PCED1A: variants seen among roughly 807,000 people sequenced by gnomAD.
The protein encoded by PCED1A is PC-esterase domain containing 1A.
A neutral mutation model predicts 41.9 loss-of-function variants in PCED1A; 20 were observed. That is an observed-to-expected ratio of 0.48 (90% CI 0.34 to 0.69). The LOEUF is 0.69. Ranked by LOEUF, PCED1A falls within the 30% of genes least tolerant of loss-of-function variation. The pLI is 0.01. For missense variants in PCED1A, 498 were observed against 602.1 expected, an observed-to-expected ratio of 0.83 and a Z score of 1.81; for synonymous variants, 236 against 241.3, an observed-to-expected ratio of 0.98 and a Z score of 0.20.
At position 2,838,411 on chromosome 20, in the gene PCED1A, GCC is replaced by G. The variant is rs767245551; in HGVS notation, c.660_661del (p.Ala221ArgfsTer6). On this transcript the variant is annotated frameshift_variant, in exon 6 of 8. Coordinates refer to ENST00000360652, the MANE Select transcript of PCED1A (RefSeq NM_022760.6). LOFTEE classifies it high-confidence loss of function. This position sits in a 1 kb window ranked among gnomAD's most constrained non-coding sequence, Gnocchi z 5.8. ...TAGGACATCAAAGCAGTGGTCCCCGGCCAGCGTAGCACTGTAGAAGTTCCCTT... is the reference window on the plus strand; with the variant it reads ...TAGGACATCAAAGCAGTGGTCCCCGGAGCGTAGCACTGTAGAAGTTCCCTT... The G allele has an allele frequency of 1.9e-6, 3 of 1,614,250 alleles. No homozygotes were observed. The South Asian group carries it at 3.3e-5, about 18-fold the overall frequency.
At chr20:2,836,506 T>C (rs909055985) in intron 6 of PCED1A, among the ~76,000 whole-genome samples, 192 bp from the exon 7 acceptor site, 1 of 152,166 alleles carries the variant, frequency 6.6e-6, no homozygotes, top group Non-Finnish European at 1.5e-5. Context: ...TCCTTCTCTC[T>C]TACCTCTCAG....
intron 2 of PCED1A, 84 bp downstream of exon 2, chr20:2,839,705 G>A (rs2088913516): frequency 1.3e-6 from 2 of 1,554,698 alleles, no homozygotes; most frequent in Non-Finnish European, 1.8e-6. Context: ...GACAAGAGAT[G>A]TGAGATGGAA....
upstream of PCED1A, chr20:2,840,909 T>C (rs952947429): frequency 8.5e-7 from 1 of 1,176,728 alleles, no homozygotes; most frequent in Non-Finnish European, 1.1e-6. Flanking sequence ...CGTTCGCCCC[T>C]GTCACTACTG....
chr20:2,839,084 T>TGGGGGGGGGGCCCCC lies in PCED1A; in HGVS notation c.205-3_205-2insGGGGGCCCCCCCCCC. The TGGGGGGGGGGCCCCC allele has an allele frequency of 1.4e-6, 1 of 725,286 alleles. No individual in the cohort carries two copies. The allele number at this position is 725,286 out of a possible 1,614,324, so 44.9% of individuals were successfully genotyped here. A position where few individuals can be genotyped will look rare whatever the true frequency, so the allele number is the denominator to read the frequency against. ...GTCCTGTTCAAAGCTCAGCTCCCCCTACCCACCCCCCCCACCCTACTGGTC... is the reference window on the plus strand; with the variant it reads ...GTCCTGTTCAAAGCTCAGCTCCCCCTGGGGGGGGGGCCCCCACCCACCCCCCCCACCCTACTGGTC... On this transcript the variant is annotated splice_region_variant and splice_polypyrimidine_tract_variant and intron_variant, in intron 3 of 7. Coordinates refer to ENST00000360652, the MANE Select transcript of PCED1A (RefSeq NM_022760.6).
rs200671054 is a variant in PCED1A at position 2,839,248 on chromosome 20, G to A, written c.148C>T (p.Leu50=). 1.9e-6 allele frequency: 3 copies of A among 1,613,990 alleles called. No homozygotes were observed. Among genetic ancestry groups the A allele is most frequent in the Non-Finnish European group, 2.5e-6 (3 of 1,180,022 alleles). ...DSIQRAVYKD[L]VLLLQKDSLL... Reference sequence around the variant, plus strand: ...GAGTCTTTCTGGAGCAAGAGCACCAGGTCCTTGTACACAGCCCTCTGAACT... The same window carrying A: ...GAGTCTTTCTGGAGCAAGAGCACCAAGTCCTTGTACACAGCCCTCTGAACT... The change falls in exon 3 of 8, where the codon CTG becomes TTG. Residue 50 remains leucine, a synonymous_variant. Coordinates refer to ENST00000360652, the MANE Select transcript of PCED1A (RefSeq NM_022760.6).
chr20:2,837,565 G>A (rs538585050), intron 6 of PCED1A, among the ~76,000 whole-genome samples: 1 of 152,290 alleles, frequency 6.6e-6, no homozygotes, highest in South Asian at 2.1e-4. Context: ...TGTTGACATG[G>A]AAACAGAGGT....
chr20:2,839,691 G>C, intron 2 of PCED1A, 98 bp downstream of exon 2: 1 of 1,527,432 alleles, frequency 6.5e-7, no homozygotes, highest in South Asian at 1.2e-5. Flanking sequence ...CAGACCAGAA[G>C]ACAGACAAGA....
Position 2,840,194 on chromosome 20 carries a change from C to T in PCED1A, c.-22+17G>A, listed in dbSNP as rs547885970. On this transcript the variant is annotated intron_variant, in intron 1 of 7. Transcript: ENST00000360652. Reference sequence around the variant, plus strand: ...GCCGCCGTCCCGCGCATGCGCGCACCCGCTCGCGCCAATTACCAAGTCCCG... The same window carrying T: ...GCCGCCGTCCCGCGCATGCGCGCACTCGCTCGCGCCAATTACCAAGTCCCG... 8.9e-4 allele frequency: 283 copies of T among 318,272 alleles called. No individual in the cohort carries two copies. The highest frequency in any genetic ancestry group is 5.4e-3 in the African/African-American group (248 of 45,566). The allele number at this position is 318,272 out of a possible 1,614,324, so 19.7% of individuals were successfully genotyped here.
At chr20:2,839,688 G>A in intron 2 of PCED1A, 101 bp downstream of exon 2, 2 of 1,524,188 alleles carry the variant, frequency 1.3e-6, no homozygotes, top group Non-Finnish European at 1.8e-6. Context: ...GAACAGACCA[G>A]AAGACAGACA....
At position 2,835,711 on chromosome 20, in the gene PCED1A, T is replaced by C. The variant is rs775564930; in HGVS notation, c.1118-2A>G. On this transcript the variant is annotated splice_acceptor_variant, in intron 7 of 7. Transcript: ENST00000360652. LOFTEE classifies it high-confidence loss of function. ...CAAAGTTCACTCCAGGGCCACATCC[T>C]ACAAAAGAACCAGTCATTATAAGAG... 5 of 1,541,470 alleles carry C rather than the reference T, an allele frequency of 3.2e-6. No individual in the cohort carries two copies. Among genetic ancestry groups the C allele is most frequent in the Admixed American group, 3.9e-5 (2 of 51,740 alleles).
chr20:2,838,199 C>A lies in PCED1A; in HGVS notation c.841+33G>T. 6.2e-7 allele frequency: 1 copy of A among 1,612,954 alleles called. No homozygotes were observed. Among genetic ancestry groups the A allele is most frequent in the Non-Finnish European group, 8.5e-7 (1 of 1,179,756 alleles). On this transcript the variant is annotated intron_variant, in intron 6 of 7. Coordinates refer to ENST00000360652, the MANE Select transcript of PCED1A (RefSeq NM_022760.6). The surrounding 1 kb of genome is among the most constrained non-coding windows in gnomAD (Gnocchi z 5.8). ...GCCCTGTCCTCTGAGGGCCCCAGTGCATCACTACCCCCCCACTTATGGTAG... is the reference window on the plus strand; with the variant it reads ...GCCCTGTCCTCTGAGGGCCCCAGTGAATCACTACCCCCCCACTTATGGTAG...
In PCED1A at chr20:2,840,603, A is replaced by G; in HGVS notation, c.-414T>C. 1 of 695,490 alleles carries G rather than the reference A, an allele frequency of 1.4e-6. No individual in the cohort carries two copies. Among genetic ancestry groups the G allele is most frequent in the Non-Finnish European group, 2.4e-6 (1 of 412,196 alleles). The allele number at this position is 695,490 out of a possible 1,614,324, so 43.1% of individuals were successfully genotyped here. On this transcript the variant is annotated 5_prime_UTR_variant, in exon 1 of 8. Transcript: ENST00000360652. The stretch of plus-strand genomic sequence containing the variant: ...GGCCCACTTGGCGGGCGCGAAGCCC[A>G]GGTACGGGCTGGGGTCTCGGGGCGG...
At chr20:2,836,451 A>G in intron 6 of PCED1A, 137 bp from the exon 7 acceptor site, 1 of 754,700 alleles carries the variant, frequency 1.3e-6, no homozygotes, top group East Asian at 2.5e-5. Flanking sequence ...CCCTCTACCC[A>G]GTTTTCCTCA....
At position 2,836,169 on chromosome 20, in the gene PCED1A, A is replaced by C; in HGVS notation, c.987T>G (p.Pro329=). ...GGAAGAGGGGAGGTGGCGAGGGCTG[A>C]GGAAGCGGGTAGGGAAAAGGCATGG... is the stretch of plus-strand genomic sequence containing the variant. ...PPPMPFPYPL[P]QPSPPPLFPP... is the part of the protein sequence containing the mutation. The change falls in exon 7 of 8, where the codon CCT becomes CCG. Residue 329 remains proline (P), a synonymous_variant. Coordinates refer to ENST00000360652, the MANE Select transcript of PCED1A (RefSeq NM_022760.6). 1.3e-6 allele frequency: 2 copies of C among 1,592,294 alleles called. No homozygotes were observed. Among genetic ancestry groups the C allele is most frequent in the Non-Finnish European group, 1.7e-6 (2 of 1,166,346 alleles).
At position 2,838,975 on chromosome 20, in the gene PCED1A, G is replaced by A; in HGVS notation, c.312C>T (p.Gly104=). 6.2e-7 allele frequency: 1 copy of A among 1,613,968 alleles called. No individual in the cohort carries two copies. Among genetic ancestry groups the A allele is most frequent in the African/African-American group, 1.3e-5 (1 of 75,008 alleles). ...GGAAGTAGAAGCGCACAAGGTGGTG[G>A]CCAGAGCCCGAGCAGAACTGGCGGA... ...REVRQFCSGS[G]HHLVRFYFLT... The change falls in exon 4 of 8, where the codon GGC becomes GGT. Residue 104 remains glycine, a synonymous_variant. Transcript: ENST00000360652. This position sits in a 1 kb window ranked among gnomAD's most constrained non-coding sequence, Gnocchi z 5.8.
intron 6 of PCED1A, 119 bp from the exon 7 acceptor site, chr20:2,836,433 C>T: frequency 1.1e-6 from 1 of 873,020 alleles, no homozygotes; most frequent in African/African-American, 1.7e-5. Context: ...CAGGCTGGAG[C>T]ATCCTTGCCC....
At chr20:2,840,678 C>G, upstream of PCED1A, 2 of 1,387,132 alleles carry the variant, frequency 1.4e-6, no homozygotes, top group Non-Finnish European at 2.0e-6. Flanking sequence ...GGCGGCCTCG[C>G]CACGTGACCC....
chr20:2,839,007 G>A lies in PCED1A; in HGVS notation c.280C>T (p.Arg94Cys), dbSNP rs371631991. The change falls in exon 4 of 8, where the codon CGT becomes TGT. Residue 94 changes from arginine to cysteine, a missense_variant. This residue lies in a region of PCED1A where 253 missense variants were observed against 369.7 expected (regional missense o/e 0.68). Transcript: ENST00000360652. ...CCCGAGCAGAACTGGCGGACCTCACGATACTGTGTCCCGTTGTGCAGCTCG... is the reference window on the plus strand; with the variant it reads ...CCCGAGCAGAACTGGCGGACCTCACAATACTGTGTCCCGTTGTGCAGCTCG... ...LGELHNGTQYREVRQFCSGSG... is the reference protein window; with the variant it reads ...LGELHNGTQYCEVRQFCSGSG... 1.1e-5 allele frequency: 17 copies of A among 1,613,756 alleles called. No individual in the cohort carries two copies. Among genetic ancestry groups the A allele is most frequent in the Middle Eastern group, 1.6e-4 (1 of 6,084 alleles).
At chr20:2,835,859 C>G (rs2088819412) in intron 7 of PCED1A, 150 bp from the exon 8 acceptor site, 15 of 1,442,146 alleles carry the variant, frequency 1.0e-5, no homozygotes, top group African/African-American at 1.4e-5. Context: ...GACGGTGAAA[C>G]AGTGACAACC....
Sources: allele counts gnomAD v4.1 joint callset (sites outside exome capture counted in the v4.1 genomes callset), GRCh38; gene constraint gnomAD v4.1.1; regional missense constraint gnomAD v4.1.1; non-coding constraint Gnocchi (gnomAD v3.1); transcripts MANE v1.5; gene names NCBI Gene and HGNC (gene_info 2026-07-23, HGNC 2026-07-21).